MAGI1: variants seen among roughly 807,000 people sequenced by gnomAD.
The protein encoded by MAGI1 is membrane-associated guanylate kinase, WW and PDZ domain-containing protein 1.
A neutral mutation model predicts 139.9 loss-of-function variants in MAGI1; 58 were observed. The observed-to-expected ratio is 0.41, with a 90% CI of 0.34 to 0.52. MAGI1 has a LOEUF of 0.52. MAGI1 is among the 20% of genes least tolerant of loss of function. The probability of loss-of-function intolerance (pLI) is 0.12; values close to 1 mark genes in which losing one functional copy is unlikely to be tolerated. For missense variants in MAGI1, 1,874 were observed against 1,901.6 expected (o/e 0.99, Z 0.27); for synonymous variants, 812 against 737.9 (o/e 1.10, Z -1.63).
intron 1 of MAGI1, among the ~76,000 whole-genome samples, chr3:65,743,043 C>G (rs766364830): frequency 2.8e-4 from 42 of 152,132 alleles, no homozygotes; most frequent in Non-Finnish European, 5.1e-4. Context: ...AAGAAAGAGA[C>G]CCTACATGAC....
intron 2 of MAGI1, among the ~76,000 whole-genome samples, chr3:65,528,079 A>C (rs577609521): frequency 9.2e-5 from 14 of 152,284 alleles, no homozygotes; most frequent in Non-Finnish European, 1.9e-4. Context: ...AGAGTATCAT[A>C]AGTTAACAAA....
At chr3:65,476,041 A>G (rs1467986228) in intron 4 of MAGI1, among the ~76,000 whole-genome samples, 2 of 151,838 alleles carry the variant, frequency 1.3e-5, no homozygotes, top group East Asian at 3.9e-4. Flanking sequence ...CCGACACCTC[A>G]TTATGCCACT....
chr3:65,737,065 C>T (rs977763589), intron 1 of MAGI1, among the ~76,000 whole-genome samples: 12 of 151,776 alleles, frequency 7.9e-5, no homozygotes, highest in Non-Finnish European at 1.2e-4. Context: ...AGTGCAGTGG[C>T]GCGATCTCGG....
At chr3:65,628,883 T>C (rs951208120) in intron 1 of MAGI1, among the ~76,000 whole-genome samples, 18 of 152,342 alleles carry the variant, frequency 1.2e-4, no homozygotes, top group Middle Eastern at 3.4e-3. Context: ...CTTTTATGTT[T>C]TCCTTTCTGT....
intron 1 of MAGI1, among the ~76,000 whole-genome samples, chr3:66,010,869 T>C (rs967524926): frequency 6.6e-6 from 1 of 152,202 alleles, no homozygotes; most frequent in Non-Finnish European, 1.5e-5. Flanking sequence ...AAATATTTTA[T>C]GGCCGGTCTC....
intron 1 of MAGI1, chr3:66,004,004 C>A (rs905551634): frequency 6.6e-6 from 1 of 152,142 alleles, no homozygotes; most frequent in Non-Finnish European, 1.5e-5. Context: ...TCTACTCCCA[C>A]CCCCTTTGTA....
chr3:65,978,617 A>AAT (rs1553742141), intron 1 of MAGI1, among the ~76,000 whole-genome samples: 2 of 95,090 alleles, frequency 2.1e-5, no homozygotes, highest in Non-Finnish European at 4.0e-5. Flanking sequence ...TCAGCTCAAA[A>AAT]TTTCTTTTTT....
chr3:65,472,881 A>G (rs1950638235), intron 4 of MAGI1, among the ~76,000 whole-genome samples: 1 of 152,242 alleles, frequency 6.6e-6, no homozygotes, highest in African/African-American at 2.4e-5. Flanking sequence ...TTTCTTTAAA[A>G]AATAATGCAG....
At chr3:65,817,003 T>C (rs77998406) in intron 1 of MAGI1, among the ~76,000 whole-genome samples, 2,469 of 152,330 alleles carry the variant, frequency 0.016, 66 homozygotes, top group African/African-American at 0.055. Context: ...CATATTGTAG[T>C]CAATCATACA....
intron 1 of MAGI1, among the ~76,000 whole-genome samples, chr3:66,001,406 A>G (rs984825515): frequency 1.3e-5 from 2 of 152,232 alleles, no homozygotes; most frequent in Non-Finnish European, 2.9e-5. Flanking sequence ...TCCACAGACC[A>G]AAGTTCAGAT....
In MAGI1 at chr3:65,952,683, G is replaced by A. The variant is rs138809251; in HGVS notation, c.313+85313C>T. Among the ~76,000 whole-genome samples the A allele has an allele frequency of 2.0e-3, 310 of 152,208 alleles. 1 individual carries two copies. Among genetic ancestry groups the A allele is most frequent in the African/African-American group, 6.7e-3 (277 of 41,540 alleles). On this transcript the variant is annotated intron_variant, in intron 1 of 22. Transcript: ENST00000402939. ...CAAAAAATTAGCCAAGCGTGGTGGC[G>A]GGCGCCTGTAGTCCCAGCTACTCGG...
In MAGI1 at chr3:65,782,867, G is replaced by C. The variant is rs375594253; in HGVS notation, c.314-160779C>G. Among the ~76,000 whole-genome samples, 3 of 150,122 alleles carry C rather than the reference G, an allele frequency of 2.0e-5. No homozygotes were observed. In the East Asian group the frequency reaches 5.9e-4, roughly 29 times the overall value. ...GCCATCTGTGAAAAGTCATTTCACA[G>C]ATCAGAAGCCTAAATGTAAGAGCTA... On this transcript the variant is annotated intron_variant, in intron 1 of 22. Coordinates refer to ENST00000402939, the MANE Select transcript of MAGI1 (RefSeq NM_001033057.2).
At position 65,379,048 on chromosome 3, in the gene MAGI1, G is replaced by A; in HGVS notation, c.2995+213C>T. ...GTGTATGCGTGATCACATTCTCAGTGTGGAAGTTGAAAGGGTTGAACAAAT... is the reference window on the plus strand; with the variant it reads ...GTGTATGCGTGATCACATTCTCAGTATGGAAGTTGAAAGGGTTGAACAAAT... On this transcript the variant is annotated intron_variant, in intron 17 of 22. Coordinates refer to ENST00000402939, the MANE Select transcript of MAGI1 (RefSeq NM_001033057.2). 3.1e-6 allele frequency: 3 copies of A among 957,170 alleles called. No individual in the cohort carries two copies. The South Asian group carries it at 4.8e-5, about 15-fold the overall frequency. 59.3% of individuals were successfully genotyped at this position (957,170 alleles called of 1,614,324 possible). A position where few individuals can be genotyped will look rare whatever the true frequency, so the allele number is the denominator to read the frequency against.
chr3:65,821,026 C>T (rs572743738), intron 1 of MAGI1, among the ~76,000 whole-genome samples: 68 of 148,908 alleles, frequency 4.6e-4, no homozygotes, highest in Middle Eastern at 3.4e-3. Flanking sequence ...CCCCAGGAGC[C>T]GGGGGTCAAA....
chr3:65,932,303 A>T (rs1465714775), intron 1 of MAGI1, among the ~76,000 whole-genome samples: 1 of 152,192 alleles, frequency 6.6e-6, no homozygotes, highest in Non-Finnish European at 1.5e-5. Context: ...CGGGGGTTGC[A>T]GTGAGCTGAG....
At chr3:65,699,891 T>C (rs1343674739) in intron 1 of MAGI1, among the ~76,000 whole-genome samples, 2 of 150,022 alleles carry the variant, frequency 1.3e-5, no homozygotes, top group Non-Finnish European at 3.0e-5. Flanking sequence ...AAAATAAAAA[T>C]TAAAAAAATA....
chr3:65,425,125 A>AC (rs1946930632), intron 12 of MAGI1, among the ~76,000 whole-genome samples: 1 of 56,948 alleles, frequency 1.8e-5, no homozygotes, highest in Non-Finnish European at 2.9e-5. Context: ...AAAAAAAAAA[A>AC]AAAAAAACAA....
At chr3:65,733,723 T>G (rs1184417829) in intron 1 of MAGI1, among the ~76,000 whole-genome samples, 1 of 152,224 alleles carries the variant, frequency 6.6e-6, no homozygotes, top group Non-Finnish European at 1.5e-5. Context: ...GTGGCTATAT[T>G]ATATGGCATA....
chr3:65,610,644 C>T (rs2082999802), intron 2 of MAGI1, among the ~76,000 whole-genome samples: 1 of 149,674 alleles, frequency 6.7e-6, no homozygotes, highest in African/African-American at 2.5e-5. Flanking sequence ...ACAGAAACTG[C>T]AACTCCAATA....
Sources: allele counts gnomAD v4.1 joint callset (sites outside exome capture counted in the v4.1 genomes callset), GRCh38; gene constraint gnomAD v4.1.1; transcripts MANE v1.5; gene names NCBI Gene and HGNC (gene_info 2026-07-23, HGNC 2026-07-21).